Variants in ATP5MC2 observed in about 807,000 individuals in gnomAD.
ATP5MC2 encodes the protein ATP synthase F(0) complex subunit C2, mitochondrial.
ATP5MC2 carries 11 observed loss-of-function variants against 13.5 expected under a neutral mutation model. The observed-to-expected ratio is 0.81, with a 90% CI of 0.51 to 1.35. The LOEUF is 1.35. ATP5MC2 is among the 40% of genes most tolerant of loss of function. The pLI is 0.00. For missense variants in ATP5MC2, 132 were observed against 175.0 expected, an observed-to-expected ratio of 0.75 and a Z score of 1.39; for synonymous variants, 64 against 69.7, an observed-to-expected ratio of 0.92 and a Z score of 0.41.
intron 2 of ATP5MC2, 80 bp from the exon 3 acceptor site, chr12:53,670,028 C>T (rs772677456): frequency 9.9e-6 from 13 of 1,318,526 alleles, no homozygotes; most frequent in Non-Finnish European, 1.4e-5. Flanking sequence ...GTTGTTACAT[C>T]ATCAGACAAG....
intron 4 of ATP5MC2, among the ~76,000 whole-genome samples, chr12:53,667,119 T>C (rs1231194292): frequency 6.6e-6 from 1 of 152,110 alleles, no homozygotes; most frequent in East Asian, 1.9e-4. Flanking sequence ...AACAGAATAG[T>C]GAATAAAGCA....
chr12:53,672,872 G>A, intron 1 of ATP5MC2: 1 of 508,926 alleles, frequency 2.0e-6, no homozygotes, highest in East Asian at 3.5e-5. Flanking sequence ...CTGAACAAGT[G>A]AACACTTGGG....
At chr12:53,679,600 G>A (rs1945330245), upstream of ATP5MC2, among the ~76,000 whole-genome samples, 1 of 152,190 alleles carries the variant, frequency 6.6e-6, no homozygotes, top group African/African-American at 2.4e-5. Context: ...TAACTTTCCA[G>A]GATTTTCTTT....
chr12:53,675,293 C>T (rs1945231608), intron 1 of ATP5MC2, among the ~76,000 whole-genome samples: 1 of 152,182 alleles, frequency 6.6e-6, no homozygotes, highest in African/African-American at 2.4e-5. Context: ...CAGGCAGGGT[C>T]TCATGCTGGC....
intron 1 of ATP5MC2, 79 bp downstream of exon 1, chr12:53,675,974 G>C: frequency 6.4e-7 from 1 of 1,560,500 alleles, no homozygotes; most frequent in Non-Finnish European, 8.7e-7. Context: ...CAAGGTAAGC[G>C]CCTCAAAGCA....
At position 53,667,970 on chromosome 12, in the gene ATP5MC2, TATATATATATATATATATATATATAAA is replaced by T. The variant is rs1565625246; in HGVS notation, c.311+1151_311+1177del. Reference sequence around the variant, plus strand: ...ACATACACACACATATATATATATATATATATATATATATATATATATATAAATTTTTTTTTTTTTGATGGTCTCACT... The same window carrying T: ...ACATACACACACATATATATATATATTTTTTTTTTTTTTGATGGTCTCACT... On this transcript the variant is annotated intron_variant, in intron 4 of 4. Transcript: ENST00000394349. Among the ~76,000 whole-genome samples the T allele has an allele frequency of 2.2e-3, 110 of 49,628 alleles. 2 individuals are homozygous for T. Among genetic ancestry groups the T allele is most frequent in the African/African-American group, 0.012 (98 of 8,276 alleles). 32.6% of individuals were successfully genotyped at this position (49,628 alleles called of 152,430 possible). A position where few individuals can be genotyped will look rare whatever the true frequency, so the allele number is the denominator to read the frequency against.
intron 4 of ATP5MC2, among the ~76,000 whole-genome samples, chr12:53,667,986 T>TATATATATATATATACAC (rs1944979959): frequency 1.6e-5 from 1 of 64,052 alleles, no homozygotes; most frequent in African/African-American, 6.2e-5. Flanking sequence ...TATATATATA[T>TATATATATATATATACAC]ATATATATAA....
At chr12:53,677,354 C>CA (rs1565630648), upstream of ATP5MC2, 2 of 152,258 alleles carry the variant, frequency 1.3e-5, no homozygotes, top group Non-Finnish European at 2.9e-5. Context: ...GCTGAAAGCC[C>CA]ACGGAGCAAT....
At chr12:53,676,328 T>TGCGGTTTGGTCTGTACC (rs1268156859), upstream of ATP5MC2, 169 of 1,366,690 alleles carry the variant, frequency 1.2e-4, no homozygotes, top group African/African-American at 9.4e-4. Context: ...TAACGTGGAC[T>TGCGGTTTGGTCTGTACC]GCGGTTTGGT....
rs566625928 is a variant in ATP5MC2, at chr12:53,669,920, C to T, written c.68G>A (p.Arg23His). 26 of 1,613,862 alleles carry T rather than the reference C, an allele frequency of 1.6e-5. No individual in the cohort carries two copies. The highest frequency in any genetic ancestry group is 1.9e-5 in the Non-Finnish European group (23 of 1,179,946). The change falls in exon 3 of 5, where the codon CGT becomes CAT. Residue 23 changes from arginine to histidine, a missense_variant. By Grantham distance (29) the Arg-to-His change is conservative (BLOSUM62 0). Transcript: ENST00000394349. ...LVKSTSQLLS[R>H]PLSAVVLKRP... ...TTTCAGCACCACTGCAGATAGCGGA[C>T]GGCTCAGCAGCTGTGAGGTGCTCTT...
At chr12:53,669,798 C>A in intron 3 of ATP5MC2, 73 bp downstream of exon 3, 1 of 1,491,926 alleles carries the variant, frequency 6.7e-7, no homozygotes, top group Non-Finnish European at 9.3e-7. Flanking sequence ...AGCATTCTAC[C>A]TCCTGGTTCT....
chr12:53,670,098 C>T, intron 2 of ATP5MC2, 150 bp from the exon 3 acceptor site: 1 of 724,704 alleles, frequency 1.4e-6, no homozygotes, highest in Non-Finnish European at 2.4e-6. Context: ...TTGGATCATT[C>T]TTCCTTTTAG....
At chr12:53,666,627 G>A (rs1382784402) in intron 4 of ATP5MC2, among the ~76,000 whole-genome samples, 1 of 151,554 alleles carries the variant, frequency 6.6e-6, no homozygotes, top group Non-Finnish European at 1.5e-5. Flanking sequence ...GGGGGTAGCG[G>A]TGCGTACCTG....
At chr12:53,666,998 G>T (rs1290448806) in intron 4 of ATP5MC2, among the ~76,000 whole-genome samples, 1 of 150,958 alleles carries the variant, frequency 6.6e-6, no homozygotes, top group Non-Finnish European at 1.5e-5. Context: ...ATGAGTTGAA[G>T]TAGTATGGAT....
At chr12:53,680,373 A>G (rs1945334620), upstream of ATP5MC2, among the ~76,000 whole-genome samples, 1 of 152,234 alleles carries the variant, frequency 6.6e-6, no homozygotes, top group Admixed American at 6.5e-5. Flanking sequence ...AGCATACTCC[A>G]TTGTCTTCAT....
At chr12:53,679,278 A>AGAGG (rs1237908363), upstream of ATP5MC2, among the ~76,000 whole-genome samples, 2 of 139,244 alleles carry the variant, frequency 1.4e-5, no homozygotes, top group African/African-American at 5.2e-5. Context: ...AGAGAGAGAG[A>AGAGG]GACCAGGGCA....
intron 3 of ATP5MC2, 119 bp downstream of exon 3, chr12:53,669,752 G>A: frequency 9.3e-7 from 1 of 1,070,798 alleles, no homozygotes; most frequent in South Asian, 1.4e-5. Flanking sequence ...CATGGCCTTG[G>A]CCATTCATGA....
upstream of ATP5MC2, chr12:53,676,199 GC>G (rs1310306548): frequency 6.2e-7 from 1 of 1,612,464 alleles, no homozygotes. Flanking sequence ...GCATCACAGC[GC>G]CGCCTGCCAG....
chr12:53,679,698 T>C (rs1945330799), upstream of ATP5MC2, among the ~76,000 whole-genome samples: 1 of 152,226 alleles, frequency 6.6e-6, no homozygotes, highest in Non-Finnish European at 1.5e-5. Context: ...CTCTATTTAT[T>C]AGTGATTGTT....
Sources: gnomAD v4.1 joint callset for allele counts (sites outside exome capture counted in the v4.1 genomes callset) on GRCh38, gnomAD v4.1.1 for gene constraint, MANE v1.5 for transcripts, NCBI Gene and HGNC (gene_info 2026-07-23, HGNC 2026-07-21) for gene names.